CRACDL: variants seen among roughly 807,000 people sequenced by gnomAD.
CRACDL encodes CRACD like.
In CRACDL, 26 loss-of-function variants were observed where a neutral mutation model predicts 70.6. The observed-to-expected ratio is 0.37, with a 90% confidence interval of 0.27 to 0.51. The LOEUF is 0.51. Among genes scored for constraint, CRACDL ranks in the 20% least tolerant of loss-of-function variants. The pLI, the probability that CRACDL is intolerant of heterozygous loss-of-function variation, is 0.94. For synonymous variants in CRACDL, 618 were observed against 615.2 expected, an observed-to-expected ratio of 1.00 and a Z score of -0.07; for missense variants, 1,283 against 1,376.9, an observed-to-expected ratio of 0.93 and a Z score of 1.08.
chr2:98,912,272 A>T (rs1395471838), intron 1 of CRACDL, among the ~76,000 whole-genome samples: 1 of 152,206 alleles, frequency 6.6e-6, no homozygotes, highest in Non-Finnish European at 1.5e-5. Flanking sequence ...GTGAAAGAAC[A>T]CCAGTCAGGA....
chr2:98,827,057 C>A lies in CRACDL; in HGVS notation c.653G>T (p.Cys218Phe), dbSNP rs199695159. 44 of 1,613,974 alleles carry A rather than the reference C, an allele frequency of 2.7e-5. No homozygotes were observed. The highest frequency in any genetic ancestry group is 3.6e-5 in the Non-Finnish European group (43 of 1,179,988). The change falls in exon 6 of 10, where the codon TGC becomes TTC. Residue 218 changes from cysteine (C) to phenylalanine (F), a missense_variant. Transcript: ENST00000397899. ...GTGCTTAGCTGCAGAGTTGTCCAGGCAGGAGGAGGATTCTGCAGGATAACT... is the reference window on the plus strand; with the variant it reads ...GTGCTTAGCTGCAGAGTTGTCCAGGAAGGAGGAGGATTCTGCAGGATAACT... The part of the protein sequence containing the change: ...DFSYPAESSS[C>F]LDNSAAKHKL...
At chr2:98,846,705 C>T (rs1706269047) in intron 2 of CRACDL, 26 bp downstream of exon 2, 21 of 1,605,264 alleles carry the variant, frequency 1.3e-5, no homozygotes, top group Non-Finnish European at 1.8e-5. Flanking sequence ...AGTGCCCTCC[C>T]CAGAGCAGGG....
intron 1 of CRACDL, among the ~76,000 whole-genome samples, chr2:98,893,207 C>A (rs1157523929): frequency 3.5e-5 from 2 of 57,930 alleles, no homozygotes; most frequent in Non-Finnish European, 6.8e-5. Context: ...CTGGAGGTCA[C>A]TAGATCCAGT....
chr2:98,794,887 T>C (rs1167969063), intron 9 of CRACDL, among the ~76,000 whole-genome samples: 1 of 151,686 alleles, frequency 6.6e-6, no homozygotes, highest in Non-Finnish European at 1.5e-5. Context: ...ATTCTGGCAA[T>C]GCAATGAGGT....
intron 1 of CRACDL, among the ~76,000 whole-genome samples, chr2:98,909,054 G>T (rs537198522): frequency 6.6e-6 from 1 of 152,170 alleles, no homozygotes; most frequent in Non-Finnish European, 1.5e-5. Flanking sequence ...GTATAAATGC[G>T]TCCTGAGTTT....
intron 7 of CRACDL, among the ~76,000 whole-genome samples, chr2:98,806,904 A>C (rs1346090851): frequency 6.6e-6 from 1 of 152,192 alleles, no homozygotes; most frequent in Non-Finnish European, 1.5e-5. Flanking sequence ...AATCCATTCC[A>C]GGGGCAGCTA....
At chr2:98,890,590 T>C (rs1707937182) in intron 1 of CRACDL, among the ~76,000 whole-genome samples, 1 of 152,284 alleles carries the variant, frequency 6.6e-6, no homozygotes, top group African/African-American at 2.4e-5. Context: ...ACAAATTATG[T>C]ATCCCTTATC....
intron 1 of CRACDL, among the ~76,000 whole-genome samples, chr2:98,878,774 T>C (rs1338568579): frequency 2.0e-5 from 3 of 152,198 alleles, no homozygotes; most frequent in Non-Finnish European, 4.4e-5. Flanking sequence ...AACGCATGGC[T>C]GACTGAGAGG....
At position 98,896,845 on chromosome 2, in the gene CRACDL, G is replaced by A. The variant is rs78364606; in HGVS notation, c.-11+39093C>T. Among the ~76,000 whole-genome samples, 358 of 152,272 alleles carry A rather than the reference G, an allele frequency of 2.4e-3. 11 individuals carry two copies. In the East Asian group the frequency reaches 0.063, roughly 27 times the overall value. On this transcript the variant is annotated intron_variant, in intron 1 of 9. Transcript: ENST00000397899. Reference sequence around the variant, plus strand: ...ATAAGTGGAAAAGAGGGATGAGGAAGGGGCTTTACTAGACCAGCCAGAAAT... The same window carrying A: ...ATAAGTGGAAAAGAGGGATGAGGAAAGGGCTTTACTAGACCAGCCAGAAAT...
At chr2:98,821,106 T>C (rs1163433581) in intron 7 of CRACDL, among the ~76,000 whole-genome samples, 4 of 152,240 alleles carry the variant, frequency 2.6e-5, no homozygotes, top group Non-Finnish European at 5.9e-5. Context: ...TCTCTTTATC[T>C]CATGTTTACA....
intron 1 of CRACDL, among the ~76,000 whole-genome samples, chr2:98,880,374 C>T (rs1207711212): frequency 6.6e-6 from 1 of 152,210 alleles, no homozygotes; most frequent in African/African-American, 2.4e-5. Context: ...AGGCGCTGTT[C>T]TAAGTAGCTG....
At chr2:98,809,558 G>A (rs1169545947) in intron 7 of CRACDL, among the ~76,000 whole-genome samples, 7 of 152,160 alleles carry the variant, frequency 4.6e-5, no homozygotes, top group Admixed American at 3.9e-4. Flanking sequence ...TTTCCTCTGC[G>A]CTGGTGGCTC....
intron 7 of CRACDL, among the ~76,000 whole-genome samples, chr2:98,798,443 CAAAAAAAAAAAAAAA>C (rs70940125): frequency 2.3e-4 from 10 of 44,330 alleles, no homozygotes; most frequent in African/African-American, 5.7e-4. Context: ...GACTCCGTCT[CAAAAAAAAAAAAAAA>C]AAAAAAAAAA....
intron 8 of CRACDL, 100 bp from the exon 9 acceptor site, chr2:98,796,364 C>G (rs1014344052): frequency 1.4e-5 from 18 of 1,258,514 alleles, no homozygotes; most frequent in African/African-American, 1.0e-4. Context: ...ATCCAAGATG[C>G]CTGCACTGCT....
chr2:98,869,773 C>A (rs986724509), intron 1 of CRACDL, among the ~76,000 whole-genome samples: 1 of 152,228 alleles, frequency 6.6e-6, no homozygotes, highest in Non-Finnish European at 1.5e-5. Flanking sequence ...CACTTGCTCC[C>A]CAGTTTCAGT....
chr2:98,822,209 G>T lies in CRACDL; in HGVS notation c.2064C>A (p.Ser688=). Residue 688 remains serine (S), a synonymous_variant, in exon 7 of 10, where the codon TCC becomes TCA. Coordinates refer to ENST00000397899, the MANE Select transcript of CRACDL (RefSeq NM_207362.3). The surrounding 1 kb of genome is among the most constrained non-coding windows in gnomAD (Gnocchi z 4.9). The stretch of plus-strand genomic sequence containing the variant: ...CCCTGTATTTGAGCGAGAGGGAGGT[G>T]GACCGGAGCTTGACGGGGAAGGGGT... ...DRNPFPVKLR[S]TSLSLKYRDG... is the part of the protein sequence containing the mutation. 1 of 1,609,812 alleles carries T rather than the reference G, an allele frequency of 6.2e-7. No homozygotes were observed. The highest frequency in any genetic ancestry group is 1.3e-5 in the African/African-American group (1 of 74,926).
chr2:98,823,136 G>A lies in CRACDL; in HGVS notation c.1137C>T (p.Gly379=). Reference sequence around the variant, plus strand: ...CCTTGTCCGTGGCCGGGGCACACGGGCCTGCGGGGGGCGCCTCCCCATCCT... The same window carrying A: ...CCTTGTCCGTGGCCGGGGCACACGGACCTGCGGGGGGCGCCTCCCCATCCT... ...GKQDGEAPPA[G]PCAPATDKAE... Residue 379 remains glycine, a synonymous_variant, in exon 7 of 10, where the codon GGC becomes GGT. Coordinates refer to ENST00000397899, the MANE Select transcript of CRACDL (RefSeq NM_207362.3). This position sits in a 1 kb window ranked among gnomAD's most constrained non-coding sequence, Gnocchi z 4.0. The A allele has an allele frequency of 6.4e-7, 1 of 1,563,936 alleles. No individual in the cohort carries two copies. Among genetic ancestry groups the A allele is most frequent in the Non-Finnish European group, 8.6e-7 (1 of 1,158,614 alleles).
At chr2:98,890,543 C>T (rs1244744729) in intron 1 of CRACDL, among the ~76,000 whole-genome samples, 1 of 152,228 alleles carries the variant, frequency 6.6e-6, no homozygotes, top group Non-Finnish European at 1.5e-5. Context: ...CAGGTGGCTT[C>T]TACCAGATAA....
intron 1 of CRACDL, among the ~76,000 whole-genome samples, chr2:98,911,759 C>A (rs1051870564): frequency 6.6e-6 from 1 of 152,080 alleles, no homozygotes; most frequent in African/African-American, 2.4e-5. Context: ...TGGGCCACCC[C>A]GAGAACCTGA....
Sources: gnomAD v4.1 joint callset for allele counts (sites outside exome capture counted in the v4.1 genomes callset) on GRCh38, gnomAD v4.1.1 for gene constraint, Gnocchi (gnomAD v3.1) non-coding constraint, MANE v1.5 for transcripts, NCBI Gene and HGNC (gene_info 2026-07-23, HGNC 2026-07-21) for gene names.